MTHFD2L: variants seen among roughly 807,000 people sequenced by gnomAD.
MTHFD2L encodes methylenetetrahydrofolate dehydrogenase (NADP+ dependent) 2 like.
MTHFD2L carries 29 observed loss-of-function variants against 34.9 expected under a neutral mutation model. The observed-to-expected ratio is 0.83, with a 90% CI of 0.62 to 1.13. The LOEUF (loss-of-function observed/expected upper bound fraction) is 1.13, where lower values mean the gene tolerates loss of function less well. Ranked by LOEUF, MTHFD2L falls within the 50% of genes most tolerant of loss-of-function variation. MTHFD2L has a pLI of 0.00. For missense variants in MTHFD2L, 481 were observed against 446.5 expected, an observed-to-expected ratio of 1.08 and a Z score of -0.70; for synonymous variants, 167 against 155.7, an observed-to-expected ratio of 1.07 and a Z score of -0.54.
chr4:74,243,933 A>G (rs974311367), intron 6 of MTHFD2L, among the ~76,000 whole-genome samples: 23 of 152,206 alleles, frequency 1.5e-4, no homozygotes, highest in Non-Finnish European at 3.4e-4. Context: ...AAAATTATAA[A>G]TAACACTGCT....
rs139133412 is a variant in MTHFD2L at position 74,234,796 on chromosome 4, AGTGT to A, written c.805+9423_805+9426del. Among the ~76,000 whole-genome samples, 527 of 149,522 alleles carry A rather than the reference AGTGT, an allele frequency of 3.5e-3. 3 individuals carry two copies. Among genetic ancestry groups the A allele is most frequent in the African/African-American group, 9.9e-3 (407 of 40,992 alleles). Reference sequence around the variant, plus strand: ...TGTCTATCTGTTTAGAAAAGGAGACAGTGTGTGTGTGTGTGTGTGTGTGTTTACG... The same window carrying A: ...TGTCTATCTGTTTAGAAAAGGAGACAGTGTGTGTGTGTGTGTGTGTTTACG... On this transcript the variant is annotated intron_variant, in intron 6 of 7. Transcript: ENST00000325278.
rs531663629 is a variant in MTHFD2L at position 74,281,556 on chromosome 4, A to G, written c.931+6A>G. On this transcript the variant is annotated splice_donor_region_variant and intron_variant, in intron 7 of 7. Coordinates refer to ENST00000325278, the MANE Select transcript of MTHFD2L (RefSeq NM_001144978.3). ...TGGAGATGTGGACTTCGAAGGTAAT[A>G]AACCAATATCTTTTGATAGGTGAAG... 6.2e-7 allele frequency: 1 copy of G among 1,608,910 alleles called. No individual in the cohort carries two copies. Among genetic ancestry groups the G allele is most frequent in the South Asian group, 1.1e-5 (1 of 90,180 alleles).
intron 3 of MTHFD2L, 87 bp downstream of exon 3, chr4:74,175,490 AT>A: frequency 7.6e-7 from 1 of 1,315,816 alleles, no homozygotes; most frequent in Non-Finnish European, 1.0e-6. Context: ...ACTGCAAGTA[AT>A]TTATAAAATA....
At chr4:74,166,003 C>G (rs1726614406) in intron 1 of MTHFD2L, among the ~76,000 whole-genome samples, 1 of 152,108 alleles carries the variant, frequency 6.6e-6, no homozygotes, top group Non-Finnish European at 1.5e-5. Context: ...CAATTGTATT[C>G]CAATGTTTTA....
intron 3 of MTHFD2L, among the ~76,000 whole-genome samples, chr4:74,195,993 C>A (rs1733402424): frequency 6.6e-6 from 1 of 152,132 alleles, no homozygotes; most frequent in Non-Finnish European, 1.5e-5. Context: ...CTTGAATTTT[C>A]CCTTTAGCTT....
At chr4:74,122,948 C>T (rs1721834058), upstream of MTHFD2L, among the ~76,000 whole-genome samples, 1 of 152,080 alleles carries the variant, frequency 6.6e-6, no homozygotes, top group Non-Finnish European at 1.5e-5. Context: ...TTCTGGAATT[C>T]TTTAGACTCT....
intron 1 of MTHFD2L, among the ~76,000 whole-genome samples, chr4:74,133,972 A>G (rs1019551724): frequency 3.3e-5 from 5 of 152,158 alleles, no homozygotes; most frequent in African/African-American, 1.2e-4. Flanking sequence ...AGCAGATGGT[A>G]GGAGAACCAG....
At chr4:74,186,552 G>A (rs966889690) in intron 3 of MTHFD2L, among the ~76,000 whole-genome samples, 1 of 150,656 alleles carries the variant, frequency 6.6e-6, no homozygotes, top group African/African-American at 2.4e-5. Flanking sequence ...CTTTCAACCA[G>A]ATATTGAAAT....
intron 1 of MTHFD2L, among the ~76,000 whole-genome samples, chr4:74,150,707 T>G (rs533077302): frequency 6.6e-6 from 1 of 152,062 alleles, no homozygotes; most frequent in Non-Finnish European, 1.5e-5. Flanking sequence ...ATGACACACA[T>G]CAAAACAAAG....
intron 1 of MTHFD2L, among the ~76,000 whole-genome samples, chr4:74,149,967 A>C (rs1723831574): frequency 6.6e-6 from 1 of 152,188 alleles, no homozygotes; most frequent in Non-Finnish European, 1.5e-5. Flanking sequence ...GGCCTTTAGA[A>C]TAGAGACCCT....
chr4:74,292,894 A>G (rs1749136112), intron 7 of MTHFD2L, among the ~76,000 whole-genome samples: 1 of 152,072 alleles, frequency 6.6e-6, no homozygotes, highest in Non-Finnish European at 1.5e-5. Flanking sequence ...GTACATGTGC[A>G]CAATGTGCAG....
At chr4:74,213,151 A>G (rs995020562) in intron 5 of MTHFD2L, among the ~76,000 whole-genome samples, 4 of 151,916 alleles carry the variant, frequency 2.6e-5, no homozygotes, top group Admixed American at 6.6e-5. Flanking sequence ...TCTTTATCCA[A>G]TTTGCCAGTC....
Position 74,199,954 on chromosome 4 carries a change from A to T in MTHFD2L, c.604+8A>T. ...AAATAATAAAAAGAACAGGTTGGTA[A>T]TTTGTGGTCTGCAGGACATGGATGC... On this transcript the variant is annotated splice_region_variant and intron_variant, in intron 4 of 7. Coordinates refer to ENST00000325278, the MANE Select transcript of MTHFD2L (RefSeq NM_001144978.3). 1 of 1,613,754 alleles carries T rather than the reference A, an allele frequency of 6.2e-7. No homozygotes were observed. Among genetic ancestry groups the T allele is most frequent in the Non-Finnish European group, 8.5e-7 (1 of 1,179,836 alleles).
intron 6 of MTHFD2L, among the ~76,000 whole-genome samples, chr4:74,279,634 A>T (rs577093240): frequency 6.6e-6 from 1 of 152,242 alleles, no homozygotes; most frequent in Non-Finnish European, 1.5e-5. Context: ...CCATTAGCAT[A>T]GTAGCTGGAC....
intron 3 of MTHFD2L, among the ~76,000 whole-genome samples, chr4:74,180,466 A>C (rs1729923248): frequency 6.6e-6 from 1 of 152,116 alleles, no homozygotes; most frequent in African/African-American, 2.4e-5. Flanking sequence ...TATCATTAGA[A>C]ATCTGAGATT....
At chr4:74,207,626 A>C (rs2110073996) in intron 5 of MTHFD2L, among the ~76,000 whole-genome samples, 1 of 152,286 alleles carries the variant, frequency 6.6e-6, no homozygotes, top group Middle Eastern at 3.4e-3. Flanking sequence ...TTTCACACTC[A>C]AGCTGTGCTG....
At chr4:74,280,587 A>T (rs552232976) in intron 6 of MTHFD2L, 1 of 151,986 alleles carries the variant, frequency 6.6e-6, no homozygotes, top group South Asian at 2.1e-4. Flanking sequence ...ATAATAATAA[A>T]TTGTTGCTTT....
chr4:74,280,980 T>C (rs1455199357), intron 6 of MTHFD2L, among the ~76,000 whole-genome samples: 1 of 151,904 alleles, frequency 6.6e-6, no homozygotes, highest in Non-Finnish European at 1.5e-5. Context: ...TCCCCCTCCC[T>C]TCCTTTCTAT....
chr4:74,271,587 T>A (rs74950996), intron 6 of MTHFD2L, among the ~76,000 whole-genome samples: 2,681 of 152,274 alleles, frequency 0.018, 200 homozygotes, highest in Admixed American at 0.12. Context: ...TGTAGTATAG[T>A]TTGAAGTCAG....
Sources: allele counts gnomAD v4.1 joint callset (sites outside exome capture counted in the v4.1 genomes callset), GRCh38; gene constraint gnomAD v4.1.1; transcripts MANE v1.5; gene names NCBI Gene and HGNC (gene_info 2026-07-23, HGNC 2026-07-21).